SH2D4A: variants seen among roughly 807,000 people sequenced by gnomAD.
SH2D4A encodes the protein SH2 domain-containing protein 4A.
A neutral mutation model predicts 64.7 loss-of-function variants in SH2D4A; 70 were observed. The ratio of observed to expected loss-of-function variants is 1.08; its 90% confidence interval spans 0.89 to 1.32. The LOEUF is 1.32. SH2D4A is among the 40% of genes most tolerant of loss of function. The pLI is 0.00. For missense variants in SH2D4A, 706 were observed against 540.1 expected (o/e 1.31, Z -3.04); for synonymous variants, 268 against 200.7 (o/e 1.34, Z -2.83).
chr8:19,386,805 G>A (rs2053401217), intron 8 of SH2D4A, among the ~76,000 whole-genome samples: 1 of 152,138 alleles, frequency 6.6e-6, no homozygotes, highest in African/African-American at 2.4e-5. Context: ...AAAAAGACAG[G>A]GTGTTGCTCT....
chr8:19,344,529 G>A lies in SH2D4A; in HGVS notation c.513+9672G>A, dbSNP rs141334248. On this transcript the variant is annotated intron_variant, in intron 4 of 9. Transcript: ENST00000265807. ...AGAAAGTTCTTTGCTTTCGAAGAGC[G>A]CCTGTGATTAGATTGGGCCCACAGT... Among the ~76,000 whole-genome samples the A allele has an allele frequency of 1.2e-4, 19 of 152,230 alleles. No individual in the cohort carries two copies. In the East Asian group the frequency reaches 3.1e-3, roughly 25 times the overall value.
intron 9 of SH2D4A, 111 bp downstream of exon 9, chr8:19,393,652 CA>C (rs1210247622): frequency 9.9e-6 from 10 of 1,006,944 alleles, no homozygotes; most frequent in Non-Finnish European, 1.5e-5. Context: ...GGGGAGGGGA[CA>C]GGGGTGGGGG....
intron 8 of SH2D4A, among the ~76,000 whole-genome samples, chr8:19,391,189 G>T (rs1286501773): frequency 6.6e-6 from 1 of 152,182 alleles, no homozygotes; most frequent in Non-Finnish European, 1.5e-5. Flanking sequence ...GCATGGGCTG[G>T]TACCTGGCGC....
intron 8 of SH2D4A, among the ~76,000 whole-genome samples, chr8:19,383,213 G>C (rs934321977): frequency 6.6e-6 from 1 of 151,996 alleles, no homozygotes; most frequent in African/African-American, 2.4e-5. Flanking sequence ...TGTTCCGTAG[G>C]TCTGGTAGGC....
chr8:19,382,023 T>C (rs1259482314), intron 8 of SH2D4A, among the ~76,000 whole-genome samples: 1 of 152,202 alleles, frequency 6.6e-6, no homozygotes, highest in African/African-American at 2.4e-5. Context: ...GCTGCTGGAT[T>C]AATTTTGATA....
At chr8:19,342,034 G>A (rs1563192512) in intron 4 of SH2D4A, among the ~76,000 whole-genome samples, 1 of 152,138 alleles carries the variant, frequency 6.6e-6, no homozygotes, top group South Asian at 2.1e-4. Flanking sequence ...TCTTGTGGAG[G>A]AGTCAGTTTC....
rs779275187 is a variant in SH2D4A, at chr8:19,334,672, T to C, written c.342-14T>C. The C allele has an allele frequency of 6.3e-7, 1 of 1,576,936 alleles. No homozygotes were observed. Among genetic ancestry groups the C allele is most frequent in the Non-Finnish European group, 8.6e-7 (1 of 1,164,602 alleles). On this transcript the variant is annotated splice_polypyrimidine_tract_variant and intron_variant, in intron 3 of 9. Coordinates refer to ENST00000265807, the MANE Select transcript of SH2D4A (RefSeq NM_022071.4). ...AGAATGTTTTTTGAGAATTTCACTT[T>C]TGCCTCTCTTCAGAAAAACTCACTC...
chr8:19,326,501 G>A (rs902819601), intron 2 of SH2D4A, among the ~76,000 whole-genome samples: 7 of 152,174 alleles, frequency 4.6e-5, no homozygotes, highest in East Asian at 1.9e-4. Flanking sequence ...AATATGGAAC[G>A]TTGCTACCAC....
chr8:19,351,963 C>T lies in SH2D4A; in HGVS notation c.514-5240C>T, dbSNP rs188530725. On this transcript the variant is annotated intron_variant, in intron 4 of 9. Transcript: ENST00000265807. ...CATGCCTGGCTAATTTTTGTACTTT[C>T]GTAGAGATGGGGTTTCACCATGTTG... 3.4e-4 allele frequency among the ~76,000 whole-genome samples: 52 copies of T among 152,102 alleles called. 1 individual carries two copies. The highest frequency in any genetic ancestry group is 1.0e-3 in the African/African-American group (42 of 41,518).
intron 8 of SH2D4A, among the ~76,000 whole-genome samples, chr8:19,376,919 A>G (rs1487309320): frequency 1.3e-5 from 2 of 152,178 alleles, no homozygotes; most frequent in Non-Finnish European, 2.9e-5. Context: ...TACAAATTTT[A>G]ATTTTTTCCC....
At chr8:19,385,038 G>A (rs76316244) in intron 8 of SH2D4A, among the ~76,000 whole-genome samples, 2,445 of 152,266 alleles carry the variant, frequency 0.016, 84 homozygotes, top group African/African-American at 0.056. Flanking sequence ...GACTGTTGAT[G>A]AAATCTTTCC....
chr8:19,379,252 A>G (rs776900939), intron 8 of SH2D4A, among the ~76,000 whole-genome samples: 1 of 152,126 alleles, frequency 6.6e-6, no homozygotes, highest in Non-Finnish European at 1.5e-5. Context: ...TACCTCATAT[A>G]AGTAGAACTG....
At chr8:19,364,803 CTT>C (rs1424931177) in intron 7 of SH2D4A, among the ~76,000 whole-genome samples, 2 of 152,168 alleles carry the variant, frequency 1.3e-5, no homozygotes, top group Non-Finnish European at 2.9e-5. Context: ...CCAAGTTCCT[CTT>C]TTAAGAATTT....
intron 2 of SH2D4A, among the ~76,000 whole-genome samples, chr8:19,330,639 C>T (rs1585150877): frequency 6.6e-6 from 1 of 152,152 alleles, no homozygotes; most frequent in Admixed American, 6.5e-5. Context: ...CTGCCCGTAG[C>T]CCCTGGAGGC....
intron 7 of SH2D4A, among the ~76,000 whole-genome samples, chr8:19,366,424 CG>C (rs1563203822): frequency 6.6e-6 from 1 of 152,088 alleles, no homozygotes; most frequent in African/African-American, 2.4e-5. Flanking sequence ...ACTGTAACTG[CG>C]CCAGTTGACC....
chr8:19,387,956 G>C (rs564673625), intron 8 of SH2D4A, among the ~76,000 whole-genome samples: 64 of 152,292 alleles, frequency 4.2e-4, no homozygotes, highest in African/African-American at 1.5e-3. Flanking sequence ...ACTCATTAAG[G>C]AGCTTCTCAG....
chr8:19,363,162 G>A (rs572271330), intron 6 of SH2D4A, among the ~76,000 whole-genome samples: 10 of 151,978 alleles, frequency 6.6e-5, no homozygotes, highest in East Asian at 1.9e-4. Context: ...TGCAACCTCC[G>A]CCTCCTGGTT....
Position 19,393,403 on chromosome 8 carries a change from C to G in SH2D4A, c.1134C>G (p.Ile378Met), listed in dbSNP as rs756166747. 2.2e-5 allele frequency: 36 copies of G among 1,614,022 alleles called. No homozygotes were observed. Among genetic ancestry groups the G allele is most frequent in the Non-Finnish European group, 3.0e-5 (35 of 1,179,966 alleles). ...TTCTCATCCGAGTCAGTGAAAGGAT[C>G]AAAGGCTATGCCCTGTCCTATCTGT... ...GSFLIRVSER[I>M]KGYALSYLSE... The change falls in exon 9 of 10, where the codon ATC becomes ATG. Residue 378 changes from isoleucine to methionine, a missense_variant. Physicochemically the swap from Ile to Met is conservative, Grantham distance 10. Transcript: ENST00000265807.
chr8:19,320,183 G>A (rs981658563), intron 2 of SH2D4A, among the ~76,000 whole-genome samples: 1 of 151,910 alleles, frequency 6.6e-6, no homozygotes, highest in Non-Finnish European at 1.5e-5. Context: ...TAAAATGTAA[G>A]GAATTGCTAT....
Sources: allele counts gnomAD v4.1 joint callset (sites outside exome capture counted in the v4.1 genomes callset), GRCh38; gene constraint gnomAD v4.1.1; transcripts MANE v1.5; gene names NCBI Gene and HGNC (gene_info 2026-07-23, HGNC 2026-07-21).